STK3: variants seen among roughly 807,000 people sequenced by gnomAD.
The protein encoded by STK3 is serine/threonine-protein kinase 3.
In STK3, 41 loss-of-function variants were observed where a neutral mutation model predicts 58.0. That is an observed-to-expected ratio of 0.71 (90% CI 0.55 to 0.92). STK3 has a LOEUF of 0.92. Ranked by LOEUF, STK3 falls within the 40% of genes least tolerant of loss-of-function variation. The probability of loss-of-function intolerance (pLI) is 0.00; values close to 1 mark genes in which losing one functional copy is unlikely to be tolerated. For missense variants in STK3, 479 were observed against 602.7 expected (o/e 0.79, Z 2.15); for synonymous variants, 170 against 191.0 (o/e 0.89, Z 0.91).
chr8:98,902,019 C>T (rs973917277), intron 1 of STK3, among the ~76,000 whole-genome samples: 3 of 152,190 alleles, frequency 2.0e-5, no homozygotes, highest in Non-Finnish European at 4.4e-5. Flanking sequence ...AAACATTCCA[C>T]ACAATTGAGC....
At chr8:98,393,266 A>G (rs1030563264) in intron 3 of STK3, among the ~76,000 whole-genome samples, 1 of 152,184 alleles carries the variant, frequency 6.6e-6, no homozygotes, top group Non-Finnish European at 1.5e-5. Context: ...GACCAGTACC[A>G]GAGTCAGGGA....
At chr8:98,688,674 T>C (rs1327988146) in intron 6 of STK3, among the ~76,000 whole-genome samples, 1 of 152,014 alleles carries the variant, frequency 6.6e-6, no homozygotes, top group African/African-American at 2.4e-5. Context: ...TGAATGACTT[T>C]TGGGTAAACA....
At chr8:98,505,210 G>A (rs1823959572) in intron 10 of STK3, among the ~76,000 whole-genome samples, 2 of 152,064 alleles carry the variant, frequency 1.3e-5, no homozygotes, top group Non-Finnish European at 2.9e-5. Context: ...CATGTGTCAC[G>A]TAGTTCTCCT....
intron 8 of STK3, among the ~76,000 whole-genome samples, chr8:98,572,073 A>C (rs990859340): frequency 3.3e-5 from 5 of 152,252 alleles, no homozygotes; most frequent in African/African-American, 1.2e-4. Flanking sequence ...CTTAAAAACA[A>C]GTACTCTTTT....
At chr8:98,734,476 A>G (rs1392778038) in intron 4 of STK3, among the ~76,000 whole-genome samples, 1 of 152,216 alleles carries the variant, frequency 6.6e-6, no homozygotes, top group African/African-American at 2.4e-5. Context: ...CCTAAATGGG[A>G]AAGAATAACC....
In STK3 at chr8:98,395,789, C is replaced by T. The variant is rs530928035; in HGVS notation, n.428-7542G>A. ...CAATGTTAGTAAACCACCTACAAAA[C>T]CAATCAAGAATAAAATAATTTGAAG... is the stretch of plus-strand genomic sequence containing the variant. On this transcript the variant is annotated intron_variant and non_coding_transcript_variant, in intron 3 of 5. Transcript: ENST00000649151. Among the ~76,000 whole-genome samples the T allele has an allele frequency of 4.6e-5, 7 of 152,248 alleles. No individual in the cohort carries two copies. In the South Asian group the frequency reaches 1.2e-3, roughly 27 times the overall value.
Position 98,906,849 on chromosome 8 carries a change from A to G in STK3, c.-78-23015T>C, listed in dbSNP as rs571175351. Reference sequence around the variant, plus strand: ...GCCACATAGTACTTTTTTCTTAAAAACAAAAAAATTATTACAGGCTGGGTG... The same window carrying G: ...GCCACATAGTACTTTTTTCTTAAAAGCAAAAAAATTATTACAGGCTGGGTG... On this transcript the variant is annotated intron_variant, in intron 1 of 1. Transcript: ENST00000519420. Among the ~76,000 whole-genome samples, 10 of 152,280 alleles carry G rather than the reference A, an allele frequency of 6.6e-5. No homozygotes were observed. In the South Asian group the frequency reaches 1.7e-3, roughly 25 times the overall value.
At chr8:98,671,675 G>A (rs970831555) in intron 6 of STK3, among the ~76,000 whole-genome samples, 3 of 151,918 alleles carry the variant, frequency 2.0e-5, no homozygotes, top group African/African-American at 7.3e-5. Context: ...TCGACCTCCT[G>A]AGCTCAAAAG....
intron 2 of STK3, among the ~76,000 whole-genome samples, chr8:98,374,663 C>G (rs1817654187): frequency 1.3e-5 from 2 of 152,170 alleles, no homozygotes; most frequent in African/African-American, 4.8e-5. Flanking sequence ...TCAGCTAAAA[C>G]AGATCCAAGG....
chr8:98,560,561 C>T (rs991337840), intron 8 of STK3, among the ~76,000 whole-genome samples: 2 of 152,036 alleles, frequency 1.3e-5, no homozygotes, highest in Non-Finnish European at 2.9e-5. Context: ...AGAAACACCC[C>T]ATGTTCATGA....
chr8:98,930,271 C>A (rs1038764110), intron 1 of STK3, among the ~76,000 whole-genome samples: 3 of 152,288 alleles, frequency 2.0e-5, no homozygotes, highest in Admixed American at 2.0e-4. Context: ...TTCTCTCAGG[C>A]CCTCAGCATG....
intron 3 of STK3, among the ~76,000 whole-genome samples, chr8:98,874,582 T>C (rs1837496670): frequency 6.6e-6 from 1 of 152,054 alleles, no homozygotes; most frequent in Non-Finnish European, 1.5e-5. Context: ...TATATCTATC[T>C]ATATATAAAC....
chr8:98,374,888 A>G (rs1472029755), intron 2 of STK3, among the ~76,000 whole-genome samples: 2 of 152,182 alleles, frequency 1.3e-5, no homozygotes, highest in Admixed American at 1.3e-4. Context: ...TAGGAATGGA[A>G]TAAATGGAGG....
intron 6 of STK3, chr8:98,633,610 G>A (rs771018672): frequency 6.7e-6 from 5 of 744,044 alleles, no homozygotes; most frequent in East Asian, 5.0e-5. Flanking sequence ...GTCCATTTGC[G>A]GAGGAACATT....
Position 98,774,787 on chromosome 8 carries a change from G to T in STK3, c.59C>A (p.Thr20Asn). 6.3e-7 allele frequency: 1 copy of T among 1,583,526 alleles called. No homozygotes were observed. Among genetic ancestry groups the T allele is most frequent in the Admixed American group, 1.8e-5 (1 of 56,056 alleles). The change falls in exon 2 of 11, where the codon ACT becomes AAT. Residue 20 changes from threonine to asparagine, a missense_variant. Thr to Asn is a moderately conservative substitution (Grantham distance 65). Around this residue, in one of 3 missense-constraint regions of STK3, gnomAD observed 44 missense variants for 37.0 expected, o/e 1.19. Coordinates refer to ENST00000419617, the MANE Select transcript of STK3 (RefSeq NM_006281.4). ...ATCAAAAACTTCTTCAGGCTGCTTA[G>T]TCAAACTGTCTTCACTCAGCTTTTT... ...KLKKLSEDSLTKQPEEVFDVL... is the reference protein window; with the variant it reads ...KLKKLSEDSLNKQPEEVFDVL...
At chr8:98,406,471 CCA>C (rs1453654886) in intron 3 of STK3, among the ~76,000 whole-genome samples, 6 of 152,116 alleles carry the variant, frequency 3.9e-5, no homozygotes, top group Non-Finnish European at 8.8e-5. Flanking sequence ...CTAGGGTTCC[CCA>C]GTGTCTACTG....
intron 6 of STK3, chr8:98,602,101 A>C (rs1441887499): frequency 2.0e-5 from 3 of 152,276 alleles, no homozygotes; most frequent in African/African-American, 7.2e-5. Context: ...TCTCAACTTC[A>C]GAACTTTCCA....
At chr8:98,835,170 A>G (rs1263756622) in intron 3 of STK3, among the ~76,000 whole-genome samples, 1 of 152,164 alleles carries the variant, frequency 6.6e-6, no homozygotes, top group Non-Finnish European at 1.5e-5. Flanking sequence ...TGCATACCTC[A>G]CATAGCTCAG....
chr8:98,869,625 C>T (rs541811745), intron 3 of STK3, among the ~76,000 whole-genome samples: 1 of 151,870 alleles, frequency 6.6e-6, no homozygotes, highest in East Asian at 1.9e-4. Context: ...CTGGAGCCCC[C>T]GAAAGCTGGG....
Sources: gnomAD v4.1 joint callset for allele counts (sites outside exome capture counted in the v4.1 genomes callset) on GRCh38, gnomAD v4.1.1 for gene constraint, gnomAD v4.1.1 regional missense constraint, MANE v1.5 for transcripts, NCBI Gene and HGNC (gene_info 2026-07-23, HGNC 2026-07-21) for gene names.